The following SIRPG variants were observed in gnomAD, a reference collection of about 807,000 sequenced individuals.
The protein encoded by SIRPG is signal regulatory protein gamma.
SIRPG carries 38 observed loss-of-function variants against 35.7 expected under a neutral mutation model. That is an observed-to-expected ratio of 1.06 (90% CI 0.82 to 1.40). The LOEUF (loss-of-function observed/expected upper bound fraction) is 1.40, where lower values mean the gene tolerates loss of function less well. SIRPG is among the 40% of genes most tolerant of loss of function. The probability of loss-of-function intolerance (pLI) is 0.00; values close to 1 mark genes in which losing one functional copy is unlikely to be tolerated. For synonymous variants in SIRPG, 215 were observed against 190.4 expected, an observed-to-expected ratio of 1.13 and a Z score of -1.06; for missense variants, 519 against 483.0, an observed-to-expected ratio of 1.07 and a Z score of -0.70.
rs775068837 is a variant in SIRPG at position 1,635,411 on chromosome 20, A to G, written c.937T>C (p.Trp313Arg). The change falls in exon 4 of 6, where the codon TGG becomes CGG. Residue 313 changes from tryptophan to arginine, a missense_variant. Trp to Arg is a moderately radical substitution (Grantham distance 101, BLOSUM62 -3). Transcript: ENST00000303415. Reference protein sequence around the residue: ...NKDGTYNWTSWFLVNISDQRD... With the variant: ...NKDGTYNWTSRFLVNISDQRD... ...TGGTCAGATATGTTCACCAGGAACCAGCTTGTCCAGTTGTAGGTACCATCC... is the reference window on the plus strand; with the variant it reads ...TGGTCAGATATGTTCACCAGGAACCGGCTTGTCCAGTTGTAGGTACCATCC... 1 of 1,614,146 alleles carries G rather than the reference A, an allele frequency of 6.2e-7. No homozygotes were observed. Among genetic ancestry groups the G allele is most frequent in the Non-Finnish European group, 8.5e-7 (1 of 1,180,010 alleles).
the SIRPG span, among the ~76,000 whole-genome samples, chr20:1,668,576 C>G: frequency 6.6e-6 from 1 of 152,110 alleles, no homozygotes; most frequent in Admixed American, 6.5e-5. Flanking sequence ...GCCACCGCAC[C>G]CAGCCTTTCA....
At chr20:1,632,837 A>G (rs1035193487) in intron 4 of SIRPG, among the ~76,000 whole-genome samples, 7 of 152,026 alleles carry the variant, frequency 4.6e-5, no homozygotes, top group African/African-American at 4.8e-5. Flanking sequence ...CACTTCAAGA[A>G]ACTAGAAAAA....
chr20:1,635,120 T>C lies in SIRPG; in HGVS notation c.1081+147A>G, dbSNP rs1036804748. ...GCATCAAATTCTTACTAGTCATGAC[T>C]CTTCGCATGTGGGATTTGGGGGGAT... On this transcript the variant is annotated intron_variant, in intron 4 of 5. Transcript: ENST00000303415. The C allele has an allele frequency of 9.6e-6, 6 of 623,038 alleles. No individual in the cohort carries two copies. The African/African-American group carries it at 1.1e-4, about 11-fold the overall frequency. 38.6% of individuals were successfully genotyped at this position (623,038 alleles called of 1,614,324 possible).
chr20:1,642,495 C>T (rs1159780189), intron 2 of SIRPG, among the ~76,000 whole-genome samples: 2 of 152,100 alleles, frequency 1.3e-5, no homozygotes, highest in Non-Finnish European at 2.9e-5. Context: ...TAAATACAGC[C>T]CACCGATGGG....
chr20:1,649,542 T>C, intron 1 of SIRPG, 134 bp from the exon 2 acceptor site: 1 of 753,836 alleles, frequency 1.3e-6, no homozygotes, highest in Non-Finnish European at 2.2e-6. Context: ...ACACTGCATG[T>C]ATTATCTCAT....
Position 1,636,474 on chromosome 20 carries a change from A to T in SIRPG, c.462T>A (p.Pro154=). 6.2e-7 allele frequency: 1 copy of T among 1,614,242 alleles called. No individual in the cohort carries two copies. Among genetic ancestry groups the T allele is most frequent in the Non-Finnish European group, 8.5e-7 (1 of 1,180,042 alleles). ...AKPSAPVVLG[P]AARTTPEHTV... ...TATGCTCAGGTGTGGTCCTCGCCGC[A>T]GGGCCCAATACCACGGGGGCAGAGG... The change falls in exon 3 of 6, where the codon CCT becomes CCA. Residue 154 remains proline, a synonymous_variant. Transcript: ENST00000303415.
chr20:1,643,573 A>C lies in SIRPG; in HGVS notation c.430+5479T>G, dbSNP rs182983910. ...TCACCTTCTGAAGCCTACTTCCGTC[A>C]ATTCGTCCATTTCCTCCTTTGTCCA... On this transcript the variant is annotated intron_variant, in intron 2 of 5. Coordinates refer to ENST00000303415, the MANE Select transcript of SIRPG (RefSeq NM_018556.4). 1.4e-3 allele frequency among the ~76,000 whole-genome samples: 210 copies of C among 152,234 alleles called. 2 individuals are homozygous for C. Among genetic ancestry groups the C allele is most frequent in the African/African-American group, 4.8e-3 (198 of 41,524 alleles).
chr20:1,679,129 C>T, the SIRPG span, among the ~76,000 whole-genome samples: 12 of 152,258 alleles, frequency 7.9e-5, no homozygotes, highest in African/African-American at 2.9e-4. Context: ...TGAAAATGAG[C>T]ACCCACCACC....
the SIRPG span, among the ~76,000 whole-genome samples, chr20:1,681,827 C>T: frequency 1.3e-5 from 2 of 151,944 alleles, no homozygotes; most frequent in African/African-American, 2.4e-5. Context: ...CAGAGTGAGA[C>T]CTTGACTCAA....
the SIRPG span, among the ~76,000 whole-genome samples, chr20:1,675,439 T>C: frequency 6.6e-6 from 1 of 152,188 alleles, no homozygotes; most frequent in Non-Finnish European, 1.5e-5. Context: ...CCTACAGGAC[T>C]TTTTTTGTTT....
the SIRPG span, among the ~76,000 whole-genome samples, chr20:1,664,156 A>G: frequency 1.1e-4 from 16 of 152,326 alleles, no homozygotes; most frequent in Non-Finnish European, 2.1e-4. Flanking sequence ...TTATTACTGC[A>G]GACGGCACCA....
intron 3 of SIRPG, 123 bp downstream of exon 3, chr20:1,636,065 G>A (rs1034448050): frequency 2.6e-5 from 36 of 1,368,034 alleles, no homozygotes; most frequent in East Asian, 7.3e-5. Flanking sequence ...GGTGCATGGC[G>A]GGCGGGCAGT....
the SIRPG span, among the ~76,000 whole-genome samples, chr20:1,668,160 CTTTTCTTTTCT>C: frequency 4.3e-3 from 384 of 90,116 alleles, 7 homozygotes; most frequent in African/African-American, 0.01. Context: ...TTTTTCTTTT[CTTTTCTTTTCT>C]TTTCTTTCTT....
chr20:1,669,712 A>G, the SIRPG span, among the ~76,000 whole-genome samples: 2 of 152,154 alleles, frequency 1.3e-5, no homozygotes, highest in Admixed American at 1.3e-4. Flanking sequence ...CTCCTTTAAT[A>G]TATATTTGTG....
chr20:1,659,415 A>G (rs1242867603), upstream of SIRPG, among the ~76,000 whole-genome samples: 1 of 152,274 alleles, frequency 6.6e-6, no homozygotes, highest in Admixed American at 6.5e-5. Flanking sequence ...TAGTGAAAAC[A>G]CAAAATGAAA....
rs368412754 is a variant in SIRPG at position 1,649,288 on chromosome 20, A to T, written c.194T>A (p.Leu65Gln). 4 of 1,614,014 alleles carry T rather than the reference A, an allele frequency of 2.5e-6. No individual in the cohort carries two copies. The African/African-American group carries it at 5.3e-5, about 22-fold the overall frequency. ...VTSLLPVGPV[L>Q]WFRGVGPGRE... ...GCCTGGTCCAACTCCTCTGAACCAC[A>T]GGACGGGTCCCACGGGAAGCAGGGA... The change falls in exon 2 of 6, where the codon CTG becomes CAG. Residue 65 changes from leucine (L) to glutamine (Q), a missense_variant. Coordinates refer to ENST00000303415, the MANE Select transcript of SIRPG (RefSeq NM_018556.4).
chr20:1,630,471 G>T, intron 4 of SIRPG, 165 bp from the exon 5 acceptor site: 1 of 592,132 alleles, frequency 1.7e-6, no homozygotes. Flanking sequence ...AGAAGCCACA[G>T]AAAGAGGCTC....
chr20:1,668,199 T>TTTCTTTC, the SIRPG span, among the ~76,000 whole-genome samples: 257 of 67,402 alleles, frequency 3.8e-3, 2 homozygotes, highest in East Asian at 0.039. Context: ...TTTTCTTTTC[T>TTTCTTTC]TTTCTTTCTT....
the SIRPG span, among the ~76,000 whole-genome samples, chr20:1,664,790 G>A: frequency 6.6e-6 from 1 of 152,198 alleles, no homozygotes; most frequent in South Asian, 2.1e-4. Flanking sequence ...CTCTGAGATA[G>A]GACTGTGCCA....
Sources: allele counts gnomAD v4.1 joint callset (sites outside exome capture counted in the v4.1 genomes callset), GRCh38; gene constraint gnomAD v4.1.1; transcripts MANE v1.5; gene names NCBI Gene and HGNC (gene_info 2026-07-23, HGNC 2026-07-21).